The following LARP4B variants were observed in gnomAD, a reference collection of about 807,000 sequenced individuals.
LARP4B encodes la-related protein 4B.
LARP4B carries 12 observed loss-of-function variants against 89.8 expected under a neutral mutation model. The ratio of observed to expected loss-of-function variants is 0.13; its 90% CI spans 0.09 to 0.22. The LOEUF (loss-of-function observed/expected upper bound fraction) is 0.22. Among genes scored for constraint, LARP4B ranks in the 10% least tolerant of loss-of-function variants. The pLI is 1.00. For missense variants in LARP4B, 757 were observed against 947.7 expected, an observed-to-expected ratio of 0.80 and a Z score of 2.64; for synonymous variants, 367 against 363.3, an observed-to-expected ratio of 1.01 and a Z score of -0.12.
chr10:856,509 G>C (rs1429086148), intron 5 of LARP4B, among the ~76,000 whole-genome samples: 2 of 152,206 alleles, frequency 1.3e-5, no homozygotes, highest in Non-Finnish European at 2.9e-5. Context: ...GATAAATAGA[G>C]AAGCGATCAC....
rs527597104 is a variant in LARP4B at position 899,783 on chromosome 10, C to G, written c.-39-14023G>C. Among the ~76,000 whole-genome samples, 6 of 151,996 alleles carry G rather than the reference C, an allele frequency of 3.9e-5. No homozygotes were observed. In the East Asian group the frequency reaches 7.7e-4, roughly 20 times the overall value. The stretch of plus-strand genomic sequence containing the variant: ...TAATTTTATTTTACAGACCATTTTA[C>G]AAAAATCAGTAAATGAATATTCAAC... On this transcript the variant is annotated intron_variant, in intron 1 of 17. Coordinates refer to ENST00000316157, the MANE Select transcript of LARP4B (RefSeq NM_015155.3).
the LARP4B span, among the ~76,000 whole-genome samples, chr10:941,195 C>T: frequency 2.0e-5 from 3 of 152,216 alleles, no homozygotes; most frequent in African/African-American, 7.2e-5. Context: ...ACTCAGCCTG[C>T]TCTTCCTCCT....
At chr10:862,511 G>C (rs187883222) in intron 5 of LARP4B, among the ~76,000 whole-genome samples, 59 of 152,232 alleles carry the variant, frequency 3.9e-4, no homozygotes, top group African/African-American at 1.3e-3. Context: ...TAATAAAAAT[G>C]AAAACATGAG....
At chr10:863,956 G>A (rs1834760461) in intron 4 of LARP4B, 73 bp from the exon 5 acceptor site, 4 of 1,565,712 alleles carry the variant, frequency 2.6e-6, no homozygotes, top group Admixed American at 1.9e-5. Flanking sequence ...GCTTACACTT[G>A]CAGTGACTCA....
chr10:813,291 A>T, intron 17 of LARP4B, 78 bp from the exon 18 acceptor site: 1 of 1,410,240 alleles, frequency 7.1e-7, no homozygotes, highest in East Asian at 2.5e-5. Flanking sequence ...TTCACTTAAG[A>T]TAAAAGAGTT....
chr10:877,576 G>C (rs1257053461), intron 3 of LARP4B, among the ~76,000 whole-genome samples: 2 of 152,152 alleles, frequency 1.3e-5, no homozygotes, highest in Non-Finnish European at 2.9e-5. Flanking sequence ...CAGTAATCTT[G>C]GGGATAAATT....
rs769805172 is a variant in LARP4B, at chr10:813,148, T to C, written c.1995A>G (p.Pro665=). The C allele has an allele frequency of 6.2e-6, 10 of 1,614,036 alleles. No individual in the cohort carries two copies. The highest frequency in any genetic ancestry group is 1.1e-5 in the South Asian group (1 of 91,056). Residue 665 remains proline (P), a synonymous_variant, in exon 18 of 18, where the codon CCA becomes CCG. Coordinates refer to ENST00000316157, the MANE Select transcript of LARP4B (RefSeq NM_015155.3). The part of the protein sequence containing the change: ...QRTSKEPPSS[P]LQPQKEQKPN... ...GCTTTTGTTCTTTTTGGGGTTGCAA[T>C]GGGGAAGAAGGAGGCTCTTTACTCG...
chr10:888,385 T>C (rs1031195016), intron 1 of LARP4B, among the ~76,000 whole-genome samples: 1 of 147,978 alleles, frequency 6.8e-6, no homozygotes, highest in Admixed American at 6.7e-5. Context: ...CCCAGAAAAT[T>C]ACAAAGTTAA....
At chr10:961,205 A>G in the LARP4B span, among the ~76,000 whole-genome samples, 2 of 152,242 alleles carry the variant, frequency 1.3e-5, no homozygotes, top group African/African-American at 4.8e-5. Flanking sequence ...TCAGAAACTC[A>G]TATTTCTTCT....
the LARP4B span, among the ~76,000 whole-genome samples, chr10:957,356 G>C: frequency 5.9e-5 from 9 of 152,022 alleles, no homozygotes; most frequent in African/African-American, 2.2e-4. Context: ...AGTAGAGACA[G>C]GGTTTCACTA....
chr10:896,646 G>A (rs1436654953), intron 1 of LARP4B, among the ~76,000 whole-genome samples: 2 of 152,066 alleles, frequency 1.3e-5, no homozygotes, highest in Non-Finnish European at 2.9e-5. Flanking sequence ...AATATTAATT[G>A]ATTCTTGATA....
intron 1 of LARP4B, among the ~76,000 whole-genome samples, chr10:917,321 C>A (rs1377686277): frequency 6.6e-6 from 1 of 152,184 alleles, no homozygotes; most frequent in Non-Finnish European, 1.5e-5. Context: ...TCACCTTACT[C>A]TCTACCTTAT....
At chr10:846,798 G>A (rs983482721) in intron 5 of LARP4B, among the ~76,000 whole-genome samples, 21 of 152,122 alleles carry the variant, frequency 1.4e-4, no homozygotes, top group African/African-American at 5.1e-4. Flanking sequence ...AAGCCACAAG[G>A]GAAGGAAGAA....
At chr10:975,948 G>A in the LARP4B span, among the ~76,000 whole-genome samples, 5 of 148,626 alleles carry the variant, frequency 3.4e-5, no homozygotes, top group African/African-American at 7.5e-5. Context: ...TAAGCCTGTC[G>A]TGCAACGTGT....
the LARP4B span, among the ~76,000 whole-genome samples, chr10:965,522 G>T: frequency 6.6e-6 from 1 of 152,140 alleles, no homozygotes; most frequent in Non-Finnish European, 1.5e-5. Context: ...GAACGCAGCA[G>T]ACGCGATGGA....
intron 5 of LARP4B, among the ~76,000 whole-genome samples, chr10:858,545 G>A (rs906550189): frequency 6.6e-6 from 1 of 152,004 alleles, no homozygotes; most frequent in African/African-American, 2.4e-5. Context: ...TAAACAAACT[G>A]AACATTATGA....
the LARP4B span, among the ~76,000 whole-genome samples, chr10:974,169 C>T: frequency 1.2e-3 from 176 of 152,234 alleles, no homozygotes; most frequent in African/African-American, 4.1e-3. Context: ...ATGGCAAACA[C>T]TCGATTCAAC....
chr10:906,981 C>A (rs187519543), intron 1 of LARP4B, among the ~76,000 whole-genome samples: 1 of 152,350 alleles, frequency 6.6e-6, no homozygotes, highest in African/African-American at 2.4e-5. Flanking sequence ...GGACTCGCAA[C>A]TGAAACCTTC....
chr10:862,532 G>A (rs1017672270), intron 5 of LARP4B, among the ~76,000 whole-genome samples: 5 of 152,068 alleles, frequency 3.3e-5, no homozygotes, highest in Non-Finnish European at 7.4e-5. Flanking sequence ...AGGCCGAGGC[G>A]GGCAGATCAC....
Sources: allele counts gnomAD v4.1 joint callset (sites outside exome capture counted in the v4.1 genomes callset), GRCh38; gene constraint gnomAD v4.1.1; transcripts MANE v1.5; gene names NCBI Gene and HGNC (gene_info 2026-07-23, HGNC 2026-07-21).